BFSP1: variants seen among roughly 807,000 people sequenced by gnomAD.
BFSP1 encodes beaded filament structural protein 1, also known as filensin.
A neutral mutation model predicts 43.9 loss-of-function variants in BFSP1; 38 were observed. That is an observed-to-expected ratio of 0.87 (90% CI 0.67 to 1.14). BFSP1 has a LOEUF of 1.14. BFSP1 is among the 50% of genes most tolerant of loss of function. The probability of loss-of-function intolerance (pLI) is 0.00; values close to 1 mark genes in which losing one functional copy is unlikely to be tolerated. For synonymous variants in BFSP1, 352 were observed against 354.8 expected, an observed-to-expected ratio of 0.99 and a Z score of 0.09; for missense variants, 850 against 875.1, an observed-to-expected ratio of 0.97 and a Z score of 0.36.
At chr20:17,544,269 G>A (rs978921072) in intron 1 of BFSP1, among the ~76,000 whole-genome samples, 1 of 152,166 alleles carries the variant, frequency 6.6e-6, no homozygotes, top group African/African-American at 2.4e-5. Context: ...GCGAAGCTGG[G>A]TACTTATCCA....
rs996237273 is a variant in BFSP1, at chr20:17,525,267, T to C, written c.378-359A>G. On this transcript the variant is annotated intron_variant, in intron 1 of 7. Transcript: ENST00000377873. The surrounding 1 kb of genome is among the most constrained non-coding windows in gnomAD (Gnocchi z 4.2). ...TGCAGCAGTGGCAGAGATGGGAGAC[T>C]GCCCTGCACAATCTACACCACCATT... Among the ~76,000 whole-genome samples, 1 of 150,248 alleles carries C rather than the reference T, an allele frequency of 6.7e-6. No homozygotes were observed. Among genetic ancestry groups the C allele is most frequent in the Non-Finnish European group, 1.5e-5 (1 of 67,330 alleles).
chr20:17,537,582 A>AAC (rs1568709235), intron 1 of BFSP1, among the ~76,000 whole-genome samples: 1 of 151,598 alleles, frequency 6.6e-6, no homozygotes, highest in Admixed American at 6.6e-5. Context: ...AAAAAAAAAA[A>AAC]AAAAAAACAA....
chr20:17,548,912 G>T (rs533723762), intron 1 of BFSP1, among the ~76,000 whole-genome samples: 1 of 152,132 alleles, frequency 6.6e-6, no homozygotes, highest in South Asian at 2.1e-4. Flanking sequence ...GGCTCAAGGG[G>T]TCCTCCTGCC....
At chr20:17,539,608 CA>C (rs1332102168) in intron 1 of BFSP1, among the ~76,000 whole-genome samples, 2 of 151,464 alleles carry the variant, frequency 1.3e-5, no homozygotes, top group Non-Finnish European at 2.9e-5. Flanking sequence ...AATAATAATA[CA>C]AAAAATTAGC....
intron 5 of BFSP1, among the ~76,000 whole-genome samples, chr20:17,501,392 C>A (rs1426915836): frequency 1.3e-5 from 2 of 152,102 alleles, no homozygotes; most frequent in African/African-American, 4.8e-5. Context: ...TGGTGAAACA[C>A]CATCTCTACT....
intron 1 of BFSP1, among the ~76,000 whole-genome samples, chr20:17,529,747 T>C: frequency 6.6e-6 from 1 of 152,136 alleles, no homozygotes; most frequent in East Asian, 1.9e-4. Flanking sequence ...GGCATGCCAT[T>C]GCACACCTGC....
At chr20:17,547,909 T>C (rs2034831394) in intron 1 of BFSP1, among the ~76,000 whole-genome samples, 1 of 146,588 alleles carries the variant, frequency 6.8e-6, no homozygotes, top group African/African-American at 2.5e-5. Context: ...TTTTTTTTTT[T>C]TTTTTTTTTT....
intron 6 of BFSP1, among the ~76,000 whole-genome samples, chr20:17,498,327 C>T (rs1334240798): frequency 1.3e-5 from 2 of 152,226 alleles, no homozygotes; most frequent in African/African-American, 4.8e-5. Context: ...GAAGACCAGA[C>T]AGCCACATAG....
chr20:17,550,283 G>T (rs1175154349), intron 1 of BFSP1, among the ~76,000 whole-genome samples: 1 of 152,034 alleles, frequency 6.6e-6, no homozygotes, highest in Middle Eastern at 3.2e-3. Flanking sequence ...GAAAGCAAGA[G>T]GAGAAATGTC....
rs190998828 is a variant in BFSP1 at position 17,495,127 on chromosome 20, C to T, written c.1043-98G>A. The T allele has an allele frequency of 8.5e-4, 1,002 of 1,177,730 alleles. 3 individuals carry two copies. The highest frequency in any genetic ancestry group is 1.0e-3 in the Non-Finnish European group (852 of 838,940). 73.0% of individuals were successfully genotyped at this position (1,177,730 alleles called of 1,614,324 possible). ...ATAGGCTAACTCTCTCGGAAACAAA[C>T]GCCTATAGTACTAGGGTGGGGCTTC... On this transcript the variant is annotated intron_variant, in intron 7 of 7. Coordinates refer to ENST00000377873, the MANE Select transcript of BFSP1 (RefSeq NM_001195.5).
At chr20:17,539,929 T>G (rs2034689896) in intron 1 of BFSP1, among the ~76,000 whole-genome samples, 1 of 152,016 alleles carries the variant, frequency 6.6e-6, no homozygotes, top group Non-Finnish European at 1.5e-5. Context: ...GACCTGAAAT[T>G]GGGGGGGACA....
At chr20:17,495,869 G>T (rs1291901652) in intron 7 of BFSP1, among the ~76,000 whole-genome samples, 2 of 152,152 alleles carry the variant, frequency 1.3e-5, no homozygotes, top group African/African-American at 4.8e-5. Context: ...GACCGATCAA[G>T]CACCGGCATC....
chr20:17,554,666 A>G (rs1249210193), intron 1 of BFSP1, among the ~76,000 whole-genome samples: 4 of 152,342 alleles, frequency 2.6e-5, no homozygotes, highest in African/African-American at 9.6e-5. Context: ...GGAATATTAG[A>G]TGCTTTTCCA....
At chr20:17,514,661 T>A in intron 3 of BFSP1, 60 bp downstream of exon 3, 1 of 1,532,876 alleles carries the variant, frequency 6.5e-7, no homozygotes. Flanking sequence ...TACCCTCGGC[T>A]TACCTGATCA....
intron 1 of BFSP1, among the ~76,000 whole-genome samples, chr20:17,549,111 C>T (rs2034854335): frequency 6.6e-6 from 1 of 152,182 alleles, no homozygotes; most frequent in Non-Finnish European, 1.5e-5. Flanking sequence ...ATGCCAGCCC[C>T]ATATTTCCCT....
chr20:17,522,677 T>G (rs924712658), intron 2 of BFSP1, among the ~76,000 whole-genome samples: 1 of 152,218 alleles, frequency 6.6e-6, no homozygotes, highest in Non-Finnish European at 1.5e-5. Context: ...CTGGTGTCTG[T>G]CACATCAAGT....
At position 17,531,294 on chromosome 20, in the gene BFSP1, C is replaced by T. The variant is rs868488668; in HGVS notation, c.36G>A (p.Lys12=). The stretch of plus-strand genomic sequence containing the variant: ...CCTCGTCGGCGTGCTCGTACTGCTC[C>T]TTGCGGGTCTGGAAGACGTAGCTGC... ...YRRSYVFQTR[K]EQYEHADEAS... The change falls in exon 1 of 8, where the codon AAG becomes AAA. Residue 12 remains lysine (K), a synonymous_variant. Transcript: ENST00000377873. 1 of 1,475,902 alleles carries T rather than the reference C, an allele frequency of 6.8e-7. No individual in the cohort carries two copies. The highest frequency in any genetic ancestry group is 8.9e-7 in the Non-Finnish European group (1 of 1,120,130). 91.4% of individuals were successfully genotyped at this position (1,475,902 alleles called of 1,614,324 possible).
At chr20:17,549,257 G>C (rs574344686) in intron 1 of BFSP1, among the ~76,000 whole-genome samples, 20 of 152,260 alleles carry the variant, frequency 1.3e-4, no homozygotes, top group African/African-American at 4.8e-4. Flanking sequence ...GGTTGTATTA[G>C]TCTGTACTCG....
chr20:17,504,823 G>A (rs1250901861), intron 5 of BFSP1, among the ~76,000 whole-genome samples: 1 of 152,178 alleles, frequency 6.6e-6, no homozygotes, highest in Non-Finnish European at 1.5e-5. Flanking sequence ...GCACGACACA[G>A]GCAGGAGCCT....
Sources: allele counts gnomAD v4.1 joint callset (sites outside exome capture counted in the v4.1 genomes callset), GRCh38; gene constraint gnomAD v4.1.1; non-coding constraint Gnocchi (gnomAD v3.1); transcripts MANE v1.5; gene names NCBI Gene and HGNC (gene_info 2026-07-23, HGNC 2026-07-21).